The following PLBD1 variants were observed in gnomAD, a reference collection of about 807,000 sequenced individuals.
The protein encoded by PLBD1 is lysosomal leucine aminopeptidase.
Under a neutral mutation model 63.0 loss-of-function variants are expected in PLBD1, and 60 were observed. That is an observed-to-expected ratio of 0.95 (90% CI 0.77 to 1.18). The LOEUF (loss-of-function observed/expected upper bound fraction) is 1.18. Ranked by LOEUF, PLBD1 falls within the 50% of genes most tolerant of loss-of-function variation. The pLI is 0.00. For synonymous variants in PLBD1, 262 were observed against 248.0 expected, an observed-to-expected ratio of 1.06 and a Z score of -0.53; for missense variants, 598 against 677.9, an observed-to-expected ratio of 0.88 and a Z score of 1.31.
At chr12:14,512,753 G>A (rs1945307780) in intron 6 of PLBD1, among the ~76,000 whole-genome samples, 1 of 152,180 alleles carries the variant, frequency 6.6e-6, no homozygotes, top group Admixed American at 6.5e-5. Context: ...GGGTTAGAAG[G>A]GGCCAGAGTG....
At position 14,567,723 on chromosome 12, in the gene PLBD1, C is replaced by T. The variant is rs1339305727; in HGVS notation, c.-27G>A. ...GCTCCACGGCCGCGACCTTCCTCTGCGGGATCAGGCGGCCGCGGTGGCCCG... is the reference window on the plus strand; with the variant it reads ...GCTCCACGGCCGCGACCTTCCTCTGTGGGATCAGGCGGCCGCGGTGGCCCG... On this transcript the variant is annotated 5_prime_UTR_variant, in exon 1 of 11. Coordinates refer to ENST00000240617, the MANE Select transcript of PLBD1 (RefSeq NM_024829.6). 3 of 1,393,104 alleles carry T rather than the reference C, an allele frequency of 2.2e-6. No homozygotes were observed. The highest frequency in any genetic ancestry group is 2.8e-6 in the Non-Finnish European group (3 of 1,086,036). 86.3% of individuals were successfully genotyped at this position (1,393,104 alleles called of 1,614,324 possible).
chr12:14,543,477 G>T (rs193117695), intron 2 of PLBD1, among the ~76,000 whole-genome samples: 348 of 152,280 alleles, frequency 2.3e-3, no homozygotes, highest in African/African-American at 8.1e-3. Flanking sequence ...CCAGCATTTT[G>T]GGAGGCTGAG....
chr12:14,551,497 A>G (rs1418956365), intron 2 of PLBD1, among the ~76,000 whole-genome samples: 1 of 152,222 alleles, frequency 6.6e-6, no homozygotes. Flanking sequence ...CTAAAAAATG[A>G]AGGCAAAATG....
At chr12:14,542,142 T>C in intron 3 of PLBD1, 66 bp downstream of exon 3, 1 of 1,387,168 alleles carries the variant, frequency 7.2e-7, no homozygotes, top group Non-Finnish European at 1.0e-6. Flanking sequence ...AAATTGCTGC[T>C]TGAAATTACA....
chr12:14,542,661 T>C (rs1945583900), intron 2 of PLBD1, among the ~76,000 whole-genome samples: 1 of 152,246 alleles, frequency 6.6e-6, no homozygotes, highest in Admixed American at 6.5e-5. Context: ...TGAATCTGAT[T>C]ATTCCCATGC....
In PLBD1 at chr12:14,535,589, C is replaced by T. The variant is rs1945506078; in HGVS notation, c.844+70G>A. ...ACATTTCTTCTCCCATTGCAGTTAA[C>T]ACTGAATCACTAAGGTTTTATCCAG... On this transcript the variant is annotated intron_variant, in intron 6 of 10. Coordinates refer to ENST00000240617, the MANE Select transcript of PLBD1 (RefSeq NM_024829.6). 3.9e-6 allele frequency: 6 copies of T among 1,522,134 alleles called. No individual in the cohort carries two copies. In the South Asian group the frequency reaches 5.7e-5, roughly 15 times the overall value. The allele number at this position is 1,522,134 out of a possible 1,614,324, so 94.3% of individuals were successfully genotyped here.
chr12:14,565,731 A>G (rs1446878671), intron 1 of PLBD1, among the ~76,000 whole-genome samples: 1 of 152,196 alleles, frequency 6.6e-6, no homozygotes, highest in African/African-American at 2.4e-5. Flanking sequence ...AAAAAGCCTC[A>G]AGGGAAAACA....
chr12:14,546,520 A>G (rs927260298), intron 2 of PLBD1, among the ~76,000 whole-genome samples: 1 of 152,008 alleles, frequency 6.6e-6, no homozygotes, highest in Non-Finnish European at 1.5e-5. Flanking sequence ...TTTTCAGTCT[A>G]TTTCAAGATA....
intron 6 of PLBD1, among the ~76,000 whole-genome samples, chr12:14,525,803 A>G (rs1343999878): frequency 6.6e-6 from 1 of 152,188 alleles, no homozygotes; most frequent in African/African-American, 2.4e-5. Flanking sequence ...TATAACATAT[A>G]TAGATGGAGC....
At chr12:14,544,737 A>G (rs1274661132) in intron 2 of PLBD1, among the ~76,000 whole-genome samples, 1 of 152,108 alleles carries the variant, frequency 6.6e-6, no homozygotes, top group African/African-American at 2.4e-5. Context: ...CTATGTATTG[A>G]GATTTTTAAA....
At chr12:14,504,263 T>C (rs1945231457) in intron 10 of PLBD1, among the ~76,000 whole-genome samples, 1 of 152,184 alleles carries the variant, frequency 6.6e-6, no homozygotes, top group Non-Finnish European at 1.5e-5. Context: ...TTGGCCAAAC[T>C]GGTCTCGAAC....
At chr12:14,557,873 T>C (rs1945717541) in intron 1 of PLBD1, among the ~76,000 whole-genome samples, 1 of 152,078 alleles carries the variant, frequency 6.6e-6, no homozygotes, top group African/African-American at 2.4e-5. Context: ...AGTAATCCCA[T>C]TACTGGGCAT....
At chr12:14,509,904 A>G (rs1338417173) in intron 8 of PLBD1, among the ~76,000 whole-genome samples, 6 of 152,156 alleles carry the variant, frequency 3.9e-5, no homozygotes, top group Non-Finnish European at 8.8e-5. Context: ...ATTAATTTTC[A>G]TGACCATCCT....
chr12:14,537,240 G>C (rs1945526860), intron 4 of PLBD1, among the ~76,000 whole-genome samples: 2 of 152,136 alleles, frequency 1.3e-5, no homozygotes, highest in Admixed American at 6.5e-5. Flanking sequence ...CAGAATTTGG[G>C]AGTGGCTCCT....
rs771195915 is a variant in PLBD1 at position 14,511,382 on chromosome 12, T to C, written c.1064A>G (p.Tyr355Cys). Residue 355 changes from tyrosine (Y) to cysteine (C), a missense_variant, in exon 8 of 11, where the codon TAC becomes TGC. By Grantham distance (194) the Tyr-to-Cys change is radical (BLOSUM62 -2). Coordinates refer to ENST00000240617, the MANE Select transcript of PLBD1 (RefSeq NM_024829.6). ...TACTTTCTTCAGGTCCAGAACCATG[T>C]ATTGATTGTTATAGGTGCCTGAAAT... Reference protein sequence around the residue: ...KYNSGTYNNQYMVLDLKKVKL... With the variant: ...KYNSGTYNNQCMVLDLKKVKL... 1.2e-6 allele frequency: 2 copies of C among 1,613,608 alleles called. No individual in the cohort carries two copies. The highest frequency in any genetic ancestry group is 1.7e-6 in the Non-Finnish European group (2 of 1,179,744).
intron 1 of PLBD1, among the ~76,000 whole-genome samples, chr12:14,558,608 T>G (rs993673116): frequency 2.0e-5 from 3 of 152,212 alleles, no homozygotes; most frequent in African/African-American, 7.2e-5. Context: ...CTCTTCTCTT[T>G]TCTTTCTACC....
rs1041934747 is a variant in PLBD1 at position 14,536,454 on chromosome 12, C to T, written c.699+116G>A. 8.8e-6 allele frequency: 10 copies of T among 1,133,486 alleles called. No homozygotes were observed. In the African/African-American group the frequency reaches 1.2e-4, roughly 14 times the overall value. The allele number at this position is 1,133,486 out of a possible 1,614,324, so 70.2% of individuals were successfully genotyped here. On this transcript the variant is annotated intron_variant, in intron 5 of 10. Coordinates refer to ENST00000240617, the MANE Select transcript of PLBD1 (RefSeq NM_024829.6). ...GTTCTTAACTTCTACCATTGAAGAA[C>T]TCATGAGCTGATATACAGTTATAGC...
intron 2 of PLBD1, among the ~76,000 whole-genome samples, chr12:14,549,810 G>GTAGC: frequency 6.6e-6 from 1 of 152,128 alleles, no homozygotes; most frequent in African/African-American, 2.4e-5. Flanking sequence ...TGGGATTACA[G>GTAGC]ATGCATACCA....
rs1468201666 is a variant in PLBD1 at position 14,532,445 on chromosome 12, G to A, written c.844+3214C>T. The stretch of plus-strand genomic sequence containing the variant: ...CCCTGCTGCATGCTGAAACCCGAGG[G>A]TAAGAGGTGGTTTTCAGTAGCATAG... On this transcript the variant is annotated intron_variant, in intron 6 of 10. Transcript: ENST00000240617. 2.6e-5 allele frequency among the ~76,000 whole-genome samples: 4 copies of A among 152,320 alleles called. No individual in the cohort carries two copies. In the East Asian group the frequency reaches 7.7e-4, roughly 29 times the overall value.
Sources: gnomAD v4.1 joint callset for allele counts (sites outside exome capture counted in the v4.1 genomes callset) on GRCh38, gnomAD v4.1.1 for gene constraint, MANE v1.5 for transcripts, NCBI Gene and HGNC (gene_info 2026-07-23, HGNC 2026-07-21) for gene names.